ASIC2: variants seen among roughly 807,000 people sequenced by gnomAD.
The protein encoded by ASIC2 is acid sensing ion channel subunit 2.
ASIC2 carries 25 observed loss-of-function variants against 57.3 expected under a neutral mutation model. That is an observed-to-expected ratio of 0.44 (90% confidence interval 0.32 to 0.61). The LOEUF (loss-of-function observed/expected upper bound fraction) is 0.61. Among genes scored for constraint, ASIC2 ranks in the 20% least tolerant of loss-of-function variants. The probability of loss-of-function intolerance (pLI) is 0.06; values close to 1 mark genes in which losing one functional copy is unlikely to be tolerated. For synonymous variants in ASIC2, 319 were observed against 307.5 expected (o/e 1.04, Z -0.39); for missense variants, 641 against 738.1 (o/e 0.87, Z 1.52).
chr17:33,745,409 A>G (rs1339653485), intron 1 of ASIC2, among the ~76,000 whole-genome samples: 4 of 51,548 alleles, frequency 7.8e-5, no homozygotes, highest in African/African-American at 2.0e-4. Flanking sequence ...AATTTACTGA[A>G]AAAAAAAAAT....
rs143734810 is a variant in ASIC2 at position 33,825,022 on chromosome 17, G to A, written c.555+330956C>T. Among the ~76,000 whole-genome samples, 1,219 of 152,230 alleles carry A rather than the reference G, an allele frequency of 8.0e-3. 20 individuals carry two copies. Among genetic ancestry groups the A allele is most frequent in the African/African-American group, 0.027 (1,134 of 41,518 alleles). ...TATACATGTGCACGTCTCTCTCCCC[G>A]TCTCGCTCTCTACTTCTATCTCTGT... On this transcript the variant is annotated intron_variant, in intron 1 of 9. Transcript: ENST00000359872.
At chr17:33,199,826 T>G (rs1297876544) in intron 1 of ASIC2, among the ~76,000 whole-genome samples, 1 of 152,152 alleles carries the variant, frequency 6.6e-6, no homozygotes, top group Non-Finnish European at 1.5e-5. Flanking sequence ...ATTGTTAATA[T>G]AGCGAACTTG....
intron 1 of ASIC2, among the ~76,000 whole-genome samples, chr17:33,577,332 T>C (rs527874000): frequency 6.6e-6 from 1 of 152,306 alleles, no homozygotes; most frequent in East Asian, 1.9e-4. Context: ...CAGAAGAGAC[T>C]GAAGCATTTC....
chr17:34,095,663 A>ATATATATATATATATATAATTT (rs1567818973), intron 1 of ASIC2, among the ~76,000 whole-genome samples: 12 of 100,934 alleles, frequency 1.2e-4, no homozygotes, highest in South Asian at 2.6e-4. Flanking sequence ...ATAATTTTAT[A>ATATATATATATATATATAATTT]TATATATAGA....
At chr17:33,034,237 A>G (rs2091899078) in intron 3 of ASIC2, among the ~76,000 whole-genome samples, 2 of 152,080 alleles carry the variant, frequency 1.3e-5, no homozygotes, top group South Asian at 2.1e-4. Flanking sequence ...TTCTTCCTGG[A>G]TGCAGGATAA....
intron 1 of ASIC2, among the ~76,000 whole-genome samples, chr17:34,010,510 G>T (rs917433355): frequency 2.6e-5 from 4 of 152,118 alleles, no homozygotes; most frequent in African/African-American, 9.7e-5. Flanking sequence ...TGGGACTGAT[G>T]CCTTCTTTTG....
At chr17:33,070,462 C>T (rs143624456) in intron 3 of ASIC2, among the ~76,000 whole-genome samples, 88 of 151,942 alleles carry the variant, frequency 5.8e-4, no homozygotes, top group Non-Finnish European at 1.1e-3. Flanking sequence ...CTTAGCCTCC[C>T]GAGTAGCTGG....
intron 1 of ASIC2, among the ~76,000 whole-genome samples, chr17:34,056,139 T>G (rs1034856952): frequency 2.2e-4 from 33 of 152,198 alleles, no homozygotes. Flanking sequence ...GGTCTCTAGC[T>G]TGAAAAACTG....
intron 1 of ASIC2, among the ~76,000 whole-genome samples, chr17:33,845,666 A>G (rs1336140818): frequency 6.6e-6 from 1 of 152,182 alleles, no homozygotes; most frequent in African/African-American, 2.4e-5. Context: ...AGATAGAGGC[A>G]CCTTACCTGT....
chr17:33,782,207 T>C (rs923922432), intron 1 of ASIC2, among the ~76,000 whole-genome samples: 1 of 152,198 alleles, frequency 6.6e-6, no homozygotes, highest in Non-Finnish European at 1.5e-5. Context: ...AATACTTTTG[T>C]GTATGTCCAA....
intron 1 of ASIC2, among the ~76,000 whole-genome samples, chr17:33,125,108 T>A (rs2092318139): frequency 6.6e-6 from 1 of 152,208 alleles, no homozygotes; most frequent in Non-Finnish European, 1.5e-5. Context: ...TGTGGCCCAG[T>A]TCCCAACAAG....
chr17:34,103,329 A>G (rs541522096), intron 1 of ASIC2, among the ~76,000 whole-genome samples: 1 of 151,670 alleles, frequency 6.6e-6, no homozygotes, highest in South Asian at 2.1e-4. Flanking sequence ...ATTTATTTTT[A>G]TATTTGCAGA....
At chr17:33,373,511 G>A (rs367710602) in intron 1 of ASIC2, among the ~76,000 whole-genome samples, 1 of 152,294 alleles carries the variant, frequency 6.6e-6, no homozygotes, top group South Asian at 2.1e-4. Flanking sequence ...AAACTAATGA[G>A]GGACCACAAG....
chr17:33,661,717 C>G lies in ASIC2; in HGVS notation c.555+494261G>C, dbSNP rs187506223. ...CTGGGAATGAAAACTTGTTTGCAAC[C>G]TAGTCATGCTGTTTGATTGATTTTC... On this transcript the variant is annotated intron_variant, in intron 1 of 9. Coordinates refer to the ASIC2 transcript ENST00000359872. Among the ~76,000 whole-genome samples the G allele has an allele frequency of 2.6e-5, 4 of 152,292 alleles. No homozygotes were observed. The East Asian group carries it at 7.7e-4, about 29-fold the overall frequency.
intron 1 of ASIC2, among the ~76,000 whole-genome samples, chr17:33,412,611 G>A (rs939704897): frequency 6.6e-6 from 1 of 152,200 alleles, no homozygotes; most frequent in Non-Finnish European, 1.5e-5. Flanking sequence ...AAATAGTCAT[G>A]ATGAGGCAAA....
In ASIC2 at chr17:34,011,495, T is replaced by C. The variant is rs555970843; in HGVS notation, c.555+144483A>G. On this transcript the variant is annotated intron_variant, in intron 1 of 9. Transcript: ENST00000359872. Reference sequence around the variant, plus strand: ...TTAACCTCCCCCTCCCATGGCTTCTTCTCAACAACCCACAATGTGTTTGAA... The same window carrying C: ...TTAACCTCCCCCTCCCATGGCTTCTCCTCAACAACCCACAATGTGTTTGAA... 2.8e-4 allele frequency among the ~76,000 whole-genome samples: 43 copies of C among 152,190 alleles called. No individual in the cohort carries two copies. The East Asian group carries it at 7.5e-3, about 27-fold the overall frequency.
At chr17:33,265,878 C>T (rs138031806) in intron 1 of ASIC2, among the ~76,000 whole-genome samples, 64 of 152,232 alleles carry the variant, frequency 4.2e-4, no homozygotes, top group South Asian at 3.3e-3. Flanking sequence ...ACCCTCTTCT[C>T]AACCTCATCT....
In ASIC2 at chr17:33,958,141, C is replaced by A. The variant is rs559041997; in HGVS notation, c.555+197837G>T. Among the ~76,000 whole-genome samples, 356 of 152,346 alleles carry A rather than the reference C, an allele frequency of 2.3e-3. 1 individual carries two copies. The highest frequency in any genetic ancestry group is 8.2e-3 in the African/African-American group (340 of 41,582). ...CTCCCACAGCCTTGGGCAGCTCCAT[C>A]ACTGTGGCTTTGCAGGTACAGCTAT... On this transcript the variant is annotated intron_variant, in intron 1 of 9. Coordinates refer to the ASIC2 transcript ENST00000359872.
intron 1 of ASIC2, among the ~76,000 whole-genome samples, chr17:33,128,790 G>A (rs564453540): frequency 8.5e-4 from 129 of 152,328 alleles, no homozygotes; most frequent in Non-Finnish European, 1.5e-3. Flanking sequence ...ACTCACAGTC[G>A]GTGAATGCAT....
Sources: gnomAD v4.1 joint callset for allele counts (sites outside exome capture counted in the v4.1 genomes callset) on GRCh38, gnomAD v4.1.1 for gene constraint, MANE v1.5 for transcripts, NCBI Gene and HGNC (gene_info 2026-07-23, HGNC 2026-07-21) for gene names.